Variants in CEP97 observed in about 807,000 individuals in gnomAD.
The protein encoded by CEP97 is centrosomal protein 97, also known as centrosomal protein of 97 kDa.
In CEP97, 43 loss-of-function variants were observed where a neutral mutation model predicts 73.1. The ratio of observed to expected loss-of-function variants is 0.59; its 90% CI spans 0.46 to 0.76. The LOEUF is 0.76. CEP97 is among the 30% of genes least tolerant of loss of function. The pLI, the probability that CEP97 is intolerant of heterozygous loss-of-function variation, is 0.00. For synonymous variants in CEP97, 337 were observed against 370.0 expected (o/e 0.91, Z 1.02); for missense variants, 939 against 1,014.0 (o/e 0.93, Z 1.00).
intron 4 of CEP97, among the ~76,000 whole-genome samples, chr3:101,731,450 C>T (rs1175543852): frequency 6.6e-6 from 1 of 152,148 alleles, no homozygotes; most frequent in Non-Finnish European, 1.5e-5. Context: ...ATCTTCCCTC[C>T]TTGGCCTCCC....
In CEP97 at chr3:101,768,664, C is replaced by A. The variant is rs1008932529; in HGVS notation, c.*3113C>A. On this transcript the variant is annotated 3_prime_UTR_variant, in exon 11 of 11. Transcript: ENST00000341893. ...CAGCCTGGACAACATAGCAAGACCC[C>A]CCTCTCTACAAAAAAAATTTTTTTC... 6.6e-6 allele frequency: 1 copy of A among 152,076 alleles called. No individual in the cohort carries two copies. The highest frequency in any genetic ancestry group is 2.4e-5 in the African/African-American group (1 of 41,388). The allele number at this position is 152,076 out of a possible 1,614,324, so 9.4% of individuals were successfully genotyped here.
At chr3:101,724,749 G>T in intron 1 of CEP97, 30 bp downstream of exon 1, 5 of 1,612,074 alleles carry the variant, frequency 3.1e-6, no homozygotes, top group Non-Finnish European at 4.2e-6. Flanking sequence ...GAGTCCTAAG[G>T]TTTACTTCAC....
chr3:101,732,263 T>C (rs1464043334), intron 5 of CEP97, among the ~76,000 whole-genome samples: 1 of 152,198 alleles, frequency 6.6e-6, no homozygotes, highest in Non-Finnish European at 1.5e-5. Flanking sequence ...CAAAATAGGG[T>C]TATTTCTGCT....
intron 2 of CEP97, 98 bp from the exon 3 acceptor site, chr3:101,727,285 G>C: frequency 1.1e-6 from 1 of 917,972 alleles, no homozygotes; most frequent in African/African-American, 1.7e-5. Context: ...GTTTGTTTGA[G>C]AGTGTTTGGC....
Position 101,758,377 on chromosome 3 carries a change from C to A in CEP97, c.1771C>A (p.Arg591Ser). ...AGATGTGCGTTACGAAATCCGGCTA[C>A]GCAGAATGCAAGAGCACATTGTCTG... ...AKDVRYEIRL[R>S]RMQEHIVCLT... The change falls in exon 9 of 11, where the codon CGC (arginine) becomes AGC (serine). Residue 591 changes from arginine (R) to serine (S), a missense_variant. Arg to Ser is a moderately radical substitution (Grantham distance 110). Coordinates refer to ENST00000341893, the MANE Select transcript of CEP97 (RefSeq NM_024548.4). 1 of 1,614,116 alleles carries A rather than the reference C, an allele frequency of 6.2e-7. No individual in the cohort carries two copies. Among genetic ancestry groups the A allele is most frequent in the Non-Finnish European group, 8.5e-7 (1 of 1,180,018 alleles).
Position 101,757,121 on chromosome 3 carries a change from C to T in CEP97, c.952C>T (p.Pro318Ser). 1 of 1,613,110 alleles carries T rather than the reference C, an allele frequency of 6.2e-7. No individual in the cohort carries two copies. The highest frequency in any genetic ancestry group is 1.7e-4 in the Middle Eastern group (1 of 6,060). The change falls in exon 8 of 11, where the codon CCT becomes TCT. Residue 318 changes from proline (P) to serine (S), a missense_variant. Pro to Ser is a moderately conservative substitution (Grantham distance 74, BLOSUM62 -1). Coordinates refer to ENST00000341893, the MANE Select transcript of CEP97 (RefSeq NM_024548.4). Reference sequence around the variant, plus strand: ...AAATGAAGAGTTGTCTCCTCTTGTTCCTGTTGAAACAAGGGCATCCCTTAT... The same window carrying T: ...AAATGAAGAGTTGTCTCCTCTTGTTTCTGTTGAAACAAGGGCATCCCTTAT... The part of the protein sequence containing the change: ...SQNEELSPLV[P>S]VETRASLIPE...
chr3:101,733,793 G>A (rs1938191296), intron 6 of CEP97, among the ~76,000 whole-genome samples: 1 of 152,006 alleles, frequency 6.6e-6, no homozygotes, highest in African/African-American at 2.4e-5. Flanking sequence ...GCCTCCCAAA[G>A]TGCTGGGATT....
chr3:101,732,717 A>AT, intron 6 of CEP97, 63 bp downstream of exon 6: 2 of 1,372,972 alleles, frequency 1.5e-6, no homozygotes, highest in Middle Eastern at 1.9e-4. Flanking sequence ...TTTACTACAG[A>AT]TTAATAGAGT....
chr3:101,746,724 C>G (rs1287880133), intron 6 of CEP97, among the ~76,000 whole-genome samples: 1 of 152,080 alleles, frequency 6.6e-6, no homozygotes, highest in African/African-American at 2.4e-5. Flanking sequence ...AAGAAACTAC[C>G]ATCAGAGTCA....
intron 6 of CEP97, among the ~76,000 whole-genome samples, chr3:101,743,002 G>T (rs1938505909): frequency 6.6e-6 from 1 of 152,254 alleles, no homozygotes; most frequent in East Asian, 1.9e-4. Context: ...CCCATTACTT[G>T]GGAGGCCAAG....
At chr3:101,755,242 G>A (rs1203397614) in intron 6 of CEP97, among the ~76,000 whole-genome samples, 188 bp from the exon 7 acceptor site, 1 of 152,116 alleles carries the variant, frequency 6.6e-6, no homozygotes, top group Non-Finnish European at 1.5e-5. Context: ...AAAAGGGTTT[G>A]AAACATTATT....
Position 101,758,272 on chromosome 3 carries a change from C to T in CEP97, c.1666C>T (p.Gln556Ter). Reference sequence around the variant, plus strand: ...TTTGGGACAAGACAAAGTTGCCCTTCAGAAATTAAATGATGCAGCCACCAA... The same window carrying T: ...TTTGGGACAAGACAAAGTTGCCCTTTAGAAATTAAATGATGCAGCCACCAA... ...VALGQDKVALQKLNDAATKLQ... is the reference protein window; with the variant it reads ...VALGQDKVAL Residue 556 changes from glutamine (Q) to a stop codon, truncating the protein, a stop_gained, in exon 9 of 11, where the codon CAG becomes TAG. Transcript: ENST00000341893. LOFTEE classifies it high-confidence loss of function. 1 of 1,614,198 alleles carries T rather than the reference C, an allele frequency of 6.2e-7. No homozygotes were observed. Among genetic ancestry groups the T allele is most frequent in the Non-Finnish European group, 8.5e-7 (1 of 1,180,040 alleles).
intron 7 of CEP97, among the ~76,000 whole-genome samples, chr3:101,756,396 CTT>C (rs1285530740): frequency 2.0e-5 from 3 of 149,746 alleles, no homozygotes; most frequent in African/African-American, 7.4e-5. Flanking sequence ...CAGGAGCTCA[CTT>C]TGTCACCCAG....
chr3:101,732,760 T>A (rs1938154444), intron 6 of CEP97, 106 bp downstream of exon 6: 1 of 930,322 alleles, frequency 1.1e-6, no homozygotes, highest in Non-Finnish European at 1.6e-6. Flanking sequence ...ATAACAAGAG[T>A]ATTAGTGCAG....
In CEP97 at chr3:101,747,328, C is replaced by T. The variant is rs192599256; in HGVS notation, c.729-8102C>T. On this transcript the variant is annotated intron_variant, in intron 6 of 10. Transcript: ENST00000341893. ...AGGTTGGAGTGCAGTGGCACGATCT[C>T]GGCTCACTGCAAGCTCTGCCTCCCG... Among the ~76,000 whole-genome samples, 72 of 146,520 alleles carry T rather than the reference C, an allele frequency of 4.9e-4. 1 individual carries two copies. Among genetic ancestry groups the T allele is most frequent in the African/African-American group, 1.8e-3 (70 of 39,310 alleles).
intron 6 of CEP97, among the ~76,000 whole-genome samples, chr3:101,736,266 T>C (rs1391456423): frequency 6.6e-6 from 1 of 152,160 alleles, no homozygotes; most frequent in African/African-American, 2.4e-5. Context: ...CAGCTGTAGG[T>C]GCAGCTTCAG....
At chr3:101,726,764 A>G in intron 2 of CEP97, 28 bp downstream of exon 2, 3 of 1,501,316 alleles carry the variant, frequency 2.0e-6, no homozygotes, top group Non-Finnish European at 2.7e-6. Flanking sequence ...GGAAATGGTT[A>G]CATAGGATCA....
At chr3:101,762,194 A>C (rs575905875) in intron 9 of CEP97, among the ~76,000 whole-genome samples, 50 of 152,280 alleles carry the variant, frequency 3.3e-4, no homozygotes, top group African/African-American at 1.2e-3. Context: ...TTATTACTGG[A>C]AATACTTTGT....
chr3:101,727,232 A>G (rs1937920153), intron 2 of CEP97, 151 bp from the exon 3 acceptor site: 3 of 605,220 alleles, frequency 5.0e-6, no homozygotes, highest in Non-Finnish European at 8.2e-6. Context: ...TGATAGTCAT[A>G]CTGTAGAATA....
Sources: allele counts gnomAD v4.1 joint callset (sites outside exome capture counted in the v4.1 genomes callset), GRCh38; gene constraint gnomAD v4.1.1; transcripts MANE v1.5; gene names NCBI Gene and HGNC (gene_info 2026-07-23, HGNC 2026-07-21).